The following GNG7 variants were observed in gnomAD, a reference collection of about 807,000 sequenced individuals.
The protein encoded by GNG7 is G protein subunit gamma 7, also known as guanine nucleotide-binding protein G(I)/G(S)/G(O) subunit gamma-7.
A neutral mutation model predicts 4.0 loss-of-function variants in GNG7; 1 was observed. The ratio of observed to expected loss-of-function variants is 0.25; its 90% confidence interval spans 0.09 to 1.18. The LOEUF is 1.18. Ranked by LOEUF, GNG7 falls within the 50% of genes most tolerant of loss-of-function variation. The probability of loss-of-function intolerance (pLI) is 0.50; values close to 1 mark genes in which losing one functional copy is unlikely to be tolerated. For missense variants in GNG7, 86 were observed against 91.9 expected (o/e 0.94, Z 0.26); for synonymous variants, 34 against 36.9 (o/e 0.92, Z 0.29).
At chr19:2,567,509 A>G (rs2144776085) in intron 2 of GNG7, among the ~76,000 whole-genome samples, 1 of 152,094 alleles carries the variant, frequency 6.6e-6, no homozygotes, top group African/African-American at 2.4e-5. Flanking sequence ...ATTTTTTTGT[A>G]TAGATGGGGT....
At position 2,633,811 on chromosome 19, in the gene GNG7, C is replaced by T. The variant is rs187210282; in HGVS notation, c.-78+12413G>A. On this transcript the variant is annotated intron_variant, in intron 2 of 4. Coordinates refer to ENST00000382159, the MANE Select transcript of GNG7 (RefSeq NM_052847.3). This position sits in a 1 kb window ranked among gnomAD's most constrained non-coding sequence, Gnocchi z 5.9. ...TCTTCTGCACCGGGCCTTCTCCCCC[C>T]GGCACTGTGGGCATTTGGGGCTGAA... Among the ~76,000 whole-genome samples, 311 of 152,202 alleles carry T rather than the reference C, an allele frequency of 2.0e-3. 2 individuals are homozygous for T. The highest frequency in any genetic ancestry group is 7.2e-3 in the African/African-American group (301 of 41,534).
chr19:2,576,260 C>T (rs1467295426), intron 2 of GNG7, among the ~76,000 whole-genome samples: 7 of 152,360 alleles, frequency 4.6e-5, no homozygotes, highest in Non-Finnish European at 8.8e-5. Context: ...GCAGCCCGGA[C>T]GGCCCCAGGG....
chr19:2,696,187 A>G (rs575460394), intron 1 of GNG7, among the ~76,000 whole-genome samples: 16 of 144,550 alleles, frequency 1.1e-4, no homozygotes, highest in African/African-American at 4.2e-4. Context: ...GAGAGAGAGG[A>G]GAGAGAGGGG....
rs1979370901 is a variant in GNG7, at chr19:2,552,758, T to G, written c.-38+2391A>C. ...CACATTATGGTGAGTTGTGGAATTATTTTATTATATATTACAATGTCATAA... is the reference window on the plus strand; with the variant it reads ...CACATTATGGTGAGTTGTGGAATTAGTTTATTATATATTACAATGTCATAA... On this transcript the variant is annotated intron_variant, in intron 3 of 4. Transcript: ENST00000382159. Among the ~76,000 whole-genome samples the G allele has an allele frequency of 2.0e-5, 3 of 151,736 alleles. No homozygotes were observed. In the South Asian group the frequency reaches 6.2e-4, roughly 32 times the overall value.
At chr19:2,539,323 TGGATGG>T (rs1568236080) in intron 3 of GNG7, among the ~76,000 whole-genome samples, 4 of 147,596 alleles carry the variant, frequency 2.7e-5, no homozygotes, top group Non-Finnish European at 1.5e-5. Flanking sequence ...TTTTTTTTTT[TGGATGG>T]TGTTTCCCTC....
At chr19:2,655,766 G>A (rs1982950604) in intron 1 of GNG7, among the ~76,000 whole-genome samples, 1 of 150,526 alleles carries the variant, frequency 6.6e-6, no homozygotes, top group African/African-American at 2.5e-5. Flanking sequence ...GTGAACCCGG[G>A]AGGTGGAGCT....
chr19:2,529,733 G>A (rs1978525279), intron 3 of GNG7, among the ~76,000 whole-genome samples: 1 of 152,212 alleles, frequency 6.6e-6, no homozygotes, highest in Admixed American at 6.5e-5. Flanking sequence ...GCCTCTTGCT[G>A]AACTGACAGA....
At chr19:2,640,511 G>A (rs983475161) in intron 2 of GNG7, among the ~76,000 whole-genome samples, 5 of 152,192 alleles carry the variant, frequency 3.3e-5, no homozygotes, top group African/African-American at 1.2e-4. Context: ...ATCTACAGGT[G>A]AATGTAATTC....
intron 1 of GNG7, among the ~76,000 whole-genome samples, chr19:2,651,457 C>T (rs951195134): frequency 5.7e-4 from 83 of 145,206 alleles, no homozygotes; most frequent in African/African-American, 1.9e-3. Context: ...CCTTTCCTCC[C>T]TCTCTTTCTC....
In GNG7 at chr19:2,520,667, C is replaced by T. The variant is rs1978303330; in HGVS notation, c.22G>A (p.Ala8Thr). MSATNNIAQARKLVEQLR... is the reference protein window; with the variant it reads MSATNNITQARKLVEQLR... The stretch of plus-strand genomic sequence containing the variant: ...TGTTCCACCAGCTTCCGGGCCTGGG[C>T]TATGTTGTTAGTGGCTGACATTGTC... Residue 8 changes from alanine to threonine, a missense_variant, in exon 4 of 5, where the codon GCC (alanine) becomes ACC (threonine). Ala to Thr is a moderately conservative substitution (Grantham distance 58). Coordinates refer to ENST00000382159, the MANE Select transcript of GNG7 (RefSeq NM_052847.3). 2.6e-6 allele frequency: 4 copies of T among 1,550,260 alleles called. No homozygotes were observed. The highest frequency in any genetic ancestry group is 2.6e-6 in the Non-Finnish European group (3 of 1,144,122).
intron 3 of GNG7, among the ~76,000 whole-genome samples, chr19:2,526,642 T>TA (rs1205237351): frequency 1.3e-5 from 2 of 149,614 alleles, no homozygotes; most frequent in East Asian, 1.9e-4. Flanking sequence ...ATTATACACT[T>TA]ATTGCATACA....
At position 2,513,085 on chromosome 19, in the gene GNG7, G is replaced by A. The variant is rs987067703; in HGVS notation, c.*1937C>T. 3.0e-6 allele frequency: 3 copies of A among 985,638 alleles called. No homozygotes were observed. The highest frequency in any genetic ancestry group is 2.4e-6 in the Non-Finnish European group (2 of 830,078). 61.1% of individuals were successfully genotyped at this position (985,638 alleles called of 1,614,324 possible). A position where few individuals can be genotyped will look rare whatever the true frequency, so the allele number is the denominator to read the frequency against. On this transcript the variant is annotated 3_prime_UTR_variant, in exon 5 of 5. Transcript: ENST00000382159. ...GGGGTGGGGAGCCCGGCTGTGGCCT[G>A]TGGGAGCTGCCCGAGGTTGAGGAGT...
Position 2,702,693 on chromosome 19 carries a change from C to G in GNG7, c.-182G>C, listed in dbSNP as rs1433400634. 6.6e-6 allele frequency: 1 copy of G among 151,074 alleles called. No individual in the cohort carries two copies. Among genetic ancestry groups the G allele is most frequent in the Non-Finnish European group, 1.5e-5 (1 of 67,648 alleles). The allele number at this position is 151,074 out of a possible 1,614,324, so 9.4% of individuals were successfully genotyped here. The stretch of plus-strand genomic sequence containing the variant: ...CCTCAGCCCCGCCGCGCAGCCGAAC[C>G]CTCCGCCCCGGCCCGCGAGCGCTCG... On this transcript the variant is annotated 5_prime_UTR_variant, in exon 1 of 5. Coordinates refer to ENST00000382159, the MANE Select transcript of GNG7 (RefSeq NM_052847.3).
intron 2 of GNG7, among the ~76,000 whole-genome samples, chr19:2,613,388 C>T (rs1363501342): frequency 6.6e-6 from 1 of 152,134 alleles, no homozygotes; most frequent in Non-Finnish European, 1.5e-5. Context: ...AGGGGGAGAT[C>T]CTGCATTAAT....
rs1268131689 is a variant in GNG7, at chr19:2,546,274, AC to A, written c.-38+8874del. 6.6e-6 allele frequency among the ~76,000 whole-genome samples: 1 copy of A among 152,184 alleles called. No individual in the cohort carries two copies. The highest frequency in any genetic ancestry group is 1.5e-5 in the Non-Finnish European group (1 of 68,018). On this transcript the variant is annotated intron_variant, in intron 3 of 4. Coordinates refer to ENST00000382159, the MANE Select transcript of GNG7 (RefSeq NM_052847.3). This position sits in a 1 kb window ranked among gnomAD's most constrained non-coding sequence, Gnocchi z 6.3. ...CAGCAACCAGGGTCTGCATGCAGAG[AC>A]CCTGCACCCAGCGTGGGCACCCACC...
intron 2 of GNG7, among the ~76,000 whole-genome samples, chr19:2,586,078 C>A (rs1017611604): frequency 2.0e-5 from 3 of 152,202 alleles, no homozygotes; most frequent in Non-Finnish European, 4.4e-5. Context: ...AGCAACAAGC[C>A]AGTGTTACTT....
At chr19:2,589,630 G>A (rs140765893) in intron 2 of GNG7, among the ~76,000 whole-genome samples, 69 of 152,166 alleles carry the variant, frequency 4.5e-4, no homozygotes, top group African/African-American at 1.6e-3. Flanking sequence ...CATGTCAGAT[G>A]ATGGCAGCAG....
At chr19:2,542,013 G>A (rs534129805) in intron 3 of GNG7, among the ~76,000 whole-genome samples, 1 of 152,082 alleles carries the variant, frequency 6.6e-6, no homozygotes, top group African/African-American at 2.4e-5. Context: ...CCTCCTGTCT[G>A]GGGCTGGCTG....
chr19:2,647,071 C>A (rs1229625499), intron 1 of GNG7, among the ~76,000 whole-genome samples: 3 of 152,208 alleles, frequency 2.0e-5, no homozygotes, highest in African/African-American at 7.2e-5. Flanking sequence ...CCTGAGGCTG[C>A]GACCAGGAAC....
Sources: allele counts gnomAD v4.1 joint callset (sites outside exome capture counted in the v4.1 genomes callset), GRCh38; gene constraint gnomAD v4.1.1; non-coding constraint Gnocchi (gnomAD v3.1); transcripts MANE v1.5; gene names NCBI Gene and HGNC (gene_info 2026-07-23, HGNC 2026-07-21).